Variants in CDC42SE2 observed in about 807,000 individuals in gnomAD.
The protein encoded by CDC42SE2 is CDC42 small effector 2, also known as CDC42 small effector protein 2.
A neutral mutation model predicts 11.5 loss-of-function variants in CDC42SE2; 3 were observed. That is an observed-to-expected ratio of 0.26 (90% confidence interval 0.12 to 0.67). CDC42SE2 has a LOEUF of 0.67. Ranked by LOEUF, CDC42SE2 falls within the 30% of genes least tolerant of loss-of-function variation. The pLI, the probability that CDC42SE2 is intolerant of heterozygous loss-of-function variation, is 0.80. For synonymous variants in CDC42SE2, 33 were observed against 34.8 expected, an observed-to-expected ratio of 0.95 and a Z score of 0.18; for missense variants, 82 against 106.8, an observed-to-expected ratio of 0.77 and a Z score of 1.02.
intron 2 of CDC42SE2, among the ~76,000 whole-genome samples, chr5:131,335,149 A>G (rs1291219470): frequency 6.6e-6 from 1 of 152,086 alleles, no homozygotes; most frequent in Non-Finnish European, 1.5e-5. Flanking sequence ...TGTGTCCCAG[A>G]GATTCTGGTA....
chr5:131,302,169 G>A lies in CDC42SE2; in HGVS notation c.-454-13807G>A, dbSNP rs147967717. ...TTACAGGCACGCGCCACTACTGCCC[G>A]GCTAAGTTTTGGTTGCTTTTTTTTT... On this transcript the variant is annotated intron_variant, in intron 1 of 4. Coordinates refer to ENST00000505065, the MANE Select transcript of CDC42SE2 (RefSeq NM_001375635.1). Among the ~76,000 whole-genome samples the A allele has an allele frequency of 3.6e-3, 548 of 151,328 alleles. 1 individual carries two copies. The highest frequency in any genetic ancestry group is 0.017 in the Middle Eastern group (5 of 292).
intron 4 of CDC42SE2, among the ~76,000 whole-genome samples, chr5:131,387,817 C>A (rs954273247): frequency 3.3e-5 from 5 of 152,120 alleles, no homozygotes; most frequent in African/African-American, 1.2e-4. Flanking sequence ...TCCAGGCAGC[C>A]TTCTCTGCTA....
At chr5:131,359,163 A>G (rs1363857337) in intron 2 of CDC42SE2, 46 bp from the exon 3 acceptor site, 1 of 204,744 alleles carries the variant, frequency 4.9e-6, no homozygotes, top group Admixed American at 5.8e-5. Context: ...GCTTTCAAGG[A>G]TAAGTAAAGT....
intron 3 of CDC42SE2, among the ~76,000 whole-genome samples, chr5:131,363,066 C>T (rs944985005): frequency 7.9e-5 from 12 of 151,986 alleles, no homozygotes; most frequent in Non-Finnish European, 1.8e-4. Context: ...ACTGCTTGAA[C>T]CCGCAAGGTG....
chr5:131,232,511 T>C, the CDC42SE2 span, among the ~76,000 whole-genome samples: 1 of 151,934 alleles, frequency 6.6e-6, no homozygotes, highest in Non-Finnish European at 1.5e-5. Flanking sequence ...GGCGGGTGGA[T>C]TACCTAAGAT....
chr5:131,377,858 AAATAT>A (rs1213486801), intron 3 of CDC42SE2, among the ~76,000 whole-genome samples: 1 of 152,258 alleles, frequency 6.6e-6, no homozygotes, highest in African/African-American at 2.4e-5. Context: ...TACATCTTCC[AAATAT>A]AATAGGTTCT....
intron 1 of CDC42SE2, among the ~76,000 whole-genome samples, chr5:131,246,649 G>A (rs995712789): frequency 8.6e-5 from 13 of 151,626 alleles, no homozygotes; most frequent in African/African-American, 1.9e-4. Flanking sequence ...CTTTAAATAC[G>A]TATGATGGTT....
the CDC42SE2 span, among the ~76,000 whole-genome samples, chr5:131,234,554 T>G: frequency 6.6e-6 from 1 of 151,440 alleles, no homozygotes; most frequent in African/African-American, 2.4e-5. Flanking sequence ...GAGAATTGCT[T>G]GAACCTGGGC....
At chr5:131,297,329 G>A (rs776269536) in intron 1 of CDC42SE2, among the ~76,000 whole-genome samples, 1 of 151,792 alleles carries the variant, frequency 6.6e-6, no homozygotes, top group Non-Finnish European at 1.5e-5. Flanking sequence ...AATTACATAA[G>A]GCGTTAAGAA....
At chr5:131,312,961 C>T (rs1757960555) in intron 1 of CDC42SE2, among the ~76,000 whole-genome samples, 1 of 151,850 alleles carries the variant, frequency 6.6e-6, no homozygotes, top group South Asian at 2.1e-4. Context: ...ATCTTGGCTC[C>T]TCCTCCCTTT....
chr5:131,321,513 C>T (rs1050265695), intron 2 of CDC42SE2, among the ~76,000 whole-genome samples: 1 of 152,004 alleles, frequency 6.6e-6, no homozygotes, highest in Admixed American at 6.6e-5. Flanking sequence ...CTGATATTGC[C>T]TGATTTCTAA....
chr5:131,353,729 A>G (rs999561421), intron 2 of CDC42SE2, among the ~76,000 whole-genome samples: 6 of 150,824 alleles, frequency 4.0e-5, no homozygotes, highest in Non-Finnish European at 5.9e-5. Context: ...AACATGGTGA[A>G]ACCCCATCTC....
chr5:131,227,968 A>G, the CDC42SE2 span, among the ~76,000 whole-genome samples: 2 of 152,214 alleles, frequency 1.3e-5, no homozygotes, highest in African/African-American at 4.8e-5. Flanking sequence ...CAGGCAGATC[A>G]CTTGAGATTA....
chr5:131,329,483 A>G (rs1308818886), intron 2 of CDC42SE2, among the ~76,000 whole-genome samples: 3 of 152,182 alleles, frequency 2.0e-5, no homozygotes, highest in Non-Finnish European at 2.9e-5. Flanking sequence ...TTGATCCAAG[A>G]AAGATAGTTA....
chr5:131,280,020 T>C (rs1757205668), intron 1 of CDC42SE2, among the ~76,000 whole-genome samples: 1 of 152,210 alleles, frequency 6.6e-6, no homozygotes, highest in Admixed American at 6.5e-5. Flanking sequence ...TGAGCTGAGC[T>C]CACACCACTG....
intron 2 of CDC42SE2, among the ~76,000 whole-genome samples, chr5:131,332,015 G>A (rs1304168318): frequency 1.3e-5 from 2 of 151,976 alleles, no homozygotes; most frequent in South Asian, 2.1e-4. Flanking sequence ...TGTGCACAAC[G>A]TGCAAGTTTG....
At chr5:131,361,095 G>T in intron 3 of CDC42SE2, among the ~76,000 whole-genome samples, 1 of 139,596 alleles carries the variant, frequency 7.2e-6, no homozygotes, top group Non-Finnish European at 1.6e-5. Context: ...GGATTGCATT[G>T]AATTTATTTT....
At chr5:131,316,659 C>T (rs752548387) in intron 2 of CDC42SE2, among the ~76,000 whole-genome samples, 7 of 152,126 alleles carry the variant, frequency 4.6e-5, no homozygotes, top group Non-Finnish European at 7.3e-5. Flanking sequence ...GCTGATATTA[C>T]GTAGATGTGA....
chr5:131,389,578 C>G (rs1002019679), intron 4 of CDC42SE2, among the ~76,000 whole-genome samples: 1 of 152,212 alleles, frequency 6.6e-6, no homozygotes, highest in Non-Finnish European at 1.5e-5. Context: ...TGTTCTTTTA[C>G]AGTATATATT....
Sources: gnomAD v4.1 joint callset for allele counts (sites outside exome capture counted in the v4.1 genomes callset) on GRCh38, gnomAD v4.1.1 for gene constraint, MANE v1.5 for transcripts, NCBI Gene and HGNC (gene_info 2026-07-23, HGNC 2026-07-21) for gene names.